RBFOX1: variants seen among roughly 807,000 people sequenced by gnomAD.
The protein encoded by RBFOX1 is RNA binding protein fox-1 homolog 1.
RBFOX1 carries 8 observed loss-of-function variants against 57.7 expected under a neutral mutation model. That is an observed-to-expected ratio of 0.14 (90% confidence interval 0.08 to 0.25). The LOEUF (loss-of-function observed/expected upper bound fraction) is 0.25. RBFOX1 is among the 10% of genes least tolerant of loss of function. The pLI is 1.00. For missense variants in RBFOX1, 611 were observed against 548.5 expected, an observed-to-expected ratio of 1.11 and a Z score of -1.14; for synonymous variants, 326 against 222.4, an observed-to-expected ratio of 1.47 and a Z score of -4.15.
chr16:5,568,225 A>AT (rs570764563), intron 2 of RBFOX1, among the ~76,000 whole-genome samples: 509 of 152,312 alleles, frequency 3.3e-3, no homozygotes, highest in Non-Finnish European at 6.1e-3. Flanking sequence ...GTTGCAGCGT[A>AT]TGGGGGCCTG....
intron 2 of RBFOX1, among the ~76,000 whole-genome samples, chr16:6,365,397 T>A (rs746795056): frequency 1.3e-5 from 2 of 151,022 alleles, no homozygotes; most frequent in African/African-American, 2.4e-5. Flanking sequence ...GATGGATGAG[T>A]AGATGGATGG....
At chr16:5,523,357 T>C (rs369978204) in intron 2 of RBFOX1, among the ~76,000 whole-genome samples, 2 of 150,772 alleles carry the variant, frequency 1.3e-5, no homozygotes, top group African/African-American at 5.0e-5. Flanking sequence ...GGTTTATGCC[T>C]GTAATCCCAC....
intron 3 of RBFOX1, among the ~76,000 whole-genome samples, chr16:6,972,192 G>A (rs1258961052): frequency 2.0e-5 from 3 of 148,902 alleles, no homozygotes; most frequent in Non-Finnish European, 3.0e-5. Flanking sequence ...TAGAGATCAC[G>A]AAAGCTTTTT....
At chr16:5,862,771 C>T (rs1371897195) in intron 3 of RBFOX1, among the ~76,000 whole-genome samples, 5 of 152,100 alleles carry the variant, frequency 3.3e-5, no homozygotes, top group Non-Finnish European at 5.9e-5. Context: ...GTCATGTTTC[C>T]GAAAGAGACC....
chr16:6,003,757 C>A (rs1417756076), intron 4 of RBFOX1, among the ~76,000 whole-genome samples: 1 of 152,176 alleles, frequency 6.6e-6, no homozygotes, highest in Non-Finnish European at 1.5e-5. Flanking sequence ...AACAGCTAAG[C>A]CAGGGTCTCA....
intron 2 of RBFOX1, among the ~76,000 whole-genome samples, chr16:5,487,103 G>A (rs1031657063): frequency 1.1e-4 from 17 of 151,644 alleles, no homozygotes; most frequent in African/African-American, 3.9e-4. Context: ...ATTTCCTCAG[G>A]CAAGCCCTCC....
chr16:7,156,136 G>T (rs1382947157), intron 4 of RBFOX1, among the ~76,000 whole-genome samples: 1 of 151,788 alleles, frequency 6.6e-6, no homozygotes, highest in Non-Finnish European at 1.5e-5. Context: ...CCTTCAAGGT[G>T]CTGGGATCAC....
At chr16:6,357,359 G>C (rs1015757070) in intron 2 of RBFOX1, among the ~76,000 whole-genome samples, 2 of 151,942 alleles carry the variant, frequency 1.3e-5, no homozygotes, top group African/African-American at 4.8e-5. Context: ...CTCAGAGTTT[G>C]GGCAGAAATC....
At chr16:7,505,252 A>G (rs1224494017) in intron 4 of RBFOX1, among the ~76,000 whole-genome samples, 1 of 151,918 alleles carries the variant, frequency 6.6e-6, no homozygotes, top group Non-Finnish European at 1.5e-5. Flanking sequence ...CAAAAAAAAA[A>G]AAAAAAGGAA....
At chr16:7,429,899 G>C (rs1480553824) in intron 4 of RBFOX1, among the ~76,000 whole-genome samples, 1 of 152,148 alleles carries the variant, frequency 6.6e-6, no homozygotes. Context: ...GAATGTATCA[G>C]TAAACAAAAT....
intron 1 of RBFOX1, among the ~76,000 whole-genome samples, chr16:5,288,913 T>C (rs2063465865): frequency 6.6e-6 from 1 of 151,966 alleles, no homozygotes; most frequent in Non-Finnish European, 1.5e-5. Context: ...GGTCATGAGG[T>C]CAGGAGATTG....
chr16:6,551,876 T>C (rs2096996426), intron 2 of RBFOX1, among the ~76,000 whole-genome samples: 1 of 152,154 alleles, frequency 6.6e-6, no homozygotes, highest in South Asian at 2.1e-4. Context: ...CATTTCAGAG[T>C]GGGAAAAGCC....
intron 4 of RBFOX1, among the ~76,000 whole-genome samples, chr16:7,290,177 T>C (rs2095740164): frequency 6.6e-6 from 1 of 152,200 alleles, no homozygotes; most frequent in African/African-American, 2.4e-5. Context: ...AAAGATGCAT[T>C]TTATGACTTC....
intron 3 of RBFOX1, among the ~76,000 whole-genome samples, chr16:6,874,714 G>C (rs1016305357): frequency 3.3e-5 from 5 of 151,912 alleles, no homozygotes; most frequent in Admixed American, 6.6e-5. Flanking sequence ...TTATAAGTGG[G>C]AGCTAAGCTA....
At chr16:7,028,350 G>A (rs1340684514) in intron 3 of RBFOX1, among the ~76,000 whole-genome samples, 4 of 152,032 alleles carry the variant, frequency 2.6e-5, no homozygotes, top group Non-Finnish European at 5.9e-5. Context: ...CTCAGGGCTG[G>A]AGTTAGATGG....
At chr16:6,134,943 C>A (rs558599754) in intron 1 of RBFOX1, among the ~76,000 whole-genome samples, 2 of 152,072 alleles carry the variant, frequency 1.3e-5, no homozygotes, top group African/African-American at 4.8e-5. Context: ...GTGCTGCACC[C>A]ATTAACTCAT....
chr16:6,548,038 A>C (rs528416225), intron 2 of RBFOX1, among the ~76,000 whole-genome samples: 1 of 152,314 alleles, frequency 6.6e-6, no homozygotes, highest in South Asian at 2.1e-4. Flanking sequence ...ACAAGCTCAG[A>C]CTATTCATCG....
intron 4 of RBFOX1, among the ~76,000 whole-genome samples, chr16:7,197,949 C>G (rs962037068): frequency 7.0e-6 from 1 of 143,392 alleles, no homozygotes. Flanking sequence ...TGTGTTTTCT[C>G]TTTTTTCCCC....
chr16:7,533,813 G>C (rs1214027167), intron 5 of RBFOX1, among the ~76,000 whole-genome samples: 1 of 152,114 alleles, frequency 6.6e-6, no homozygotes, highest in African/African-American at 2.4e-5. Context: ...ACAAAAGCAG[G>C]ATTAGTAAAT....
Sources: gnomAD v4.1 joint callset for allele counts (sites outside exome capture counted in the v4.1 genomes callset) on GRCh38, gnomAD v4.1.1 for gene constraint, MANE v1.5 for transcripts, NCBI Gene and HGNC (gene_info 2026-07-23, HGNC 2026-07-21) for gene names.